The following DPP10 variants were observed in gnomAD, a reference collection of about 807,000 sequenced individuals.
The protein encoded by DPP10 is dipeptidyl peptidase like 10, also known as inactive dipeptidyl peptidase 10.
In DPP10, 33 loss-of-function variants were observed where a neutral mutation model predicts 120.9. That is an observed-to-expected ratio of 0.27 (90% CI 0.21 to 0.37). DPP10 has a LOEUF of 0.37. Ranked by LOEUF, DPP10 falls within the 10% of genes least tolerant of loss-of-function variation. DPP10 has a pLI of 1.00. For missense variants in DPP10, 816 were observed against 942.8 expected, an observed-to-expected ratio of 0.87 and a Z score of 1.76; for synonymous variants, 337 against 326.1, an observed-to-expected ratio of 1.03 and a Z score of -0.36.
chr2:114,714,693 T>C (rs1344506832), intron 1 of DPP10, among the ~76,000 whole-genome samples: 1 of 152,156 alleles, frequency 6.6e-6, no homozygotes, highest in Non-Finnish European at 1.5e-5. Context: ...AGGTTCTCTC[T>C]GGGTTTCTTT....
At chr2:114,594,117 T>A (rs1691686923) in intron 1 of DPP10, among the ~76,000 whole-genome samples, 1 of 151,960 alleles carries the variant, frequency 6.6e-6, no homozygotes, top group South Asian at 2.1e-4. Context: ...GACCCACCCT[T>A]AACTGGGTGG....
At chr2:114,987,446 A>G (rs1700473402) in intron 1 of DPP10, among the ~76,000 whole-genome samples, 1 of 151,666 alleles carries the variant, frequency 6.6e-6, no homozygotes, top group Admixed American at 6.6e-5. Context: ...ATATAATTTC[A>G]CCCCTTGATT....
intron 1 of DPP10, among the ~76,000 whole-genome samples, chr2:115,264,307 G>C (rs951222663): frequency 1.3e-5 from 2 of 152,166 alleles, no homozygotes; most frequent in East Asian, 3.9e-4. Flanking sequence ...ATTCCTGTAT[G>C]TTGTTAATGT....
At chr2:114,809,945 T>G (rs1200314827) in intron 1 of DPP10, among the ~76,000 whole-genome samples, 1 of 152,128 alleles carries the variant, frequency 6.6e-6, no homozygotes, top group Admixed American at 6.6e-5. Context: ...CCCAAAGGCC[T>G]ATACTCAAAA....
At chr2:114,702,157 G>A (rs906904304) in intron 1 of DPP10, among the ~76,000 whole-genome samples, 1 of 152,054 alleles carries the variant, frequency 6.6e-6, no homozygotes. Flanking sequence ...GCCATGTATT[G>A]TATTTTTGTT....
At position 114,677,590 on chromosome 2, in the gene DPP10, G is replaced by A. The variant is rs1195022870; in HGVS notation, c.60+234752G>A. ...GAATTATTATCTTCCACACGTTACAGATGAAGAAACTGACAAGCAGGGATT... is the reference window on the plus strand; with the variant it reads ...GAATTATTATCTTCCACACGTTACAAATGAAGAAACTGACAAGCAGGGATT... On this transcript the variant is annotated intron_variant, in intron 1 of 25. Transcript: ENST00000410059. Among the ~76,000 whole-genome samples, 3 of 152,090 alleles carry A rather than the reference G, an allele frequency of 2.0e-5. No homozygotes were observed. In the East Asian group the frequency reaches 5.8e-4, roughly 29 times the overall value.
chr2:114,796,574 T>C lies in DPP10; in HGVS notation c.60+353736T>C, dbSNP rs1490652417. On this transcript the variant is annotated intron_variant, in intron 1 of 25. Transcript: ENST00000410059. ...TATTAATATTTAAGTTTTTAGGAAG[T>C]TAAAAGTTGTACTCAGATTTTTGAC... Among the ~76,000 whole-genome samples, 3 of 152,252 alleles carry C rather than the reference T, an allele frequency of 2.0e-5. No homozygotes were observed. In the East Asian group the frequency reaches 5.8e-4, roughly 29 times the overall value.
At chr2:115,513,319 A>T (rs1480635334) in intron 4 of DPP10, among the ~76,000 whole-genome samples, 2 of 151,892 alleles carry the variant, frequency 1.3e-5, no homozygotes, top group Non-Finnish European at 2.9e-5. Context: ...TTTTAAAAAA[A>T]TTTATCCTGT....
At chr2:115,080,373 T>C (rs554069735) in intron 1 of DPP10, among the ~76,000 whole-genome samples, 1 of 152,340 alleles carries the variant, frequency 6.6e-6, no homozygotes, top group East Asian at 1.9e-4. Flanking sequence ...TTTTTTTGTT[T>C]GGTTATTTCT....
At chr2:114,703,149 G>T (rs1700485617) in intron 1 of DPP10, among the ~76,000 whole-genome samples, 1 of 152,036 alleles carries the variant, frequency 6.6e-6, no homozygotes, top group African/African-American at 2.4e-5. Flanking sequence ...ATTCTATATG[G>T]AAAGTTATAT....
intron 3 of DPP10, among the ~76,000 whole-genome samples, chr2:115,466,480 ATTACT>A (rs1426973085): frequency 1.3e-5 from 2 of 152,172 alleles, no homozygotes; most frequent in African/African-American, 2.4e-5. Flanking sequence ...AGTAGTTTAG[ATTACT>A]TTAACTTTTG....
chr2:114,571,557 G>T (rs1336109621), intron 1 of DPP10, among the ~76,000 whole-genome samples: 1 of 151,996 alleles, frequency 6.6e-6, no homozygotes, highest in East Asian at 1.9e-4. Context: ...TTTCTCTCAT[G>T]ATATGCCACT....
chr2:114,480,302 T>A (rs571661374), intron 1 of DPP10, among the ~76,000 whole-genome samples: 1 of 152,062 alleles, frequency 6.6e-6, no homozygotes, highest in East Asian at 1.9e-4. Context: ...GTGTGGTGAT[T>A]CCTCAGGGAT....
rs796537270 is a variant in DPP10 at position 114,662,387 on chromosome 2, G to T, written c.60+219549G>T. Among the ~76,000 whole-genome samples, 17 of 152,320 alleles carry T rather than the reference G, an allele frequency of 1.1e-4. 1 individual carries two copies. The highest frequency in any genetic ancestry group is 3.8e-4 in the African/African-American group (16 of 41,584). On this transcript the variant is annotated intron_variant, in intron 1 of 25. Coordinates refer to ENST00000410059, the MANE Select transcript of DPP10 (RefSeq NM_020868.6). ...GGAGCTGCAGAGAAGCTTCCACTCT[G>T]CCCGCGCCGCCCTGAGCACAGGCGA...
chr2:114,692,176 G>T (rs956852482), intron 1 of DPP10, among the ~76,000 whole-genome samples: 1 of 151,932 alleles, frequency 6.6e-6, no homozygotes, highest in African/African-American at 2.4e-5. Context: ...CGAGATGTTA[G>T]GTTGTTAACT....
intron 1 of DPP10, among the ~76,000 whole-genome samples, chr2:114,792,990 TTGTGTGTGTGTG>T (rs55780807): frequency 1.6e-4 from 23 of 143,640 alleles, no homozygotes; most frequent in African/African-American, 2.9e-4. Context: ...AACTGTATTA[TTGTGTGTGTGTG>T]TGTGTGTGTG....
intron 1 of DPP10, among the ~76,000 whole-genome samples, chr2:115,003,372 C>T (rs1277741357): frequency 3.3e-5 from 5 of 151,664 alleles, no homozygotes; most frequent in African/African-American, 1.2e-4. Flanking sequence ...CGGGTGAAGG[C>T]TAGGAGGAGG....
chr2:114,546,164 A>G (rs115712229), intron 1 of DPP10, among the ~76,000 whole-genome samples: 1 of 145,552 alleles, frequency 6.9e-6, no homozygotes, highest in Non-Finnish European at 1.5e-5. Flanking sequence ...GTAACTTATT[A>G]AAAAAAAAGA....
intron 1 of DPP10, among the ~76,000 whole-genome samples, chr2:115,056,392 T>G (rs1705916248): frequency 6.6e-6 from 1 of 152,136 alleles, no homozygotes; most frequent in Non-Finnish European, 1.5e-5. Flanking sequence ...TTCTTCTTCT[T>G]TCAAGAGACA....
Sources: allele counts gnomAD v4.1 joint callset (sites outside exome capture counted in the v4.1 genomes callset), GRCh38; gene constraint gnomAD v4.1.1; transcripts MANE v1.5; gene names NCBI Gene and HGNC (gene_info 2026-07-23, HGNC 2026-07-21).